CAGE1: variants seen among roughly 807,000 people sequenced by gnomAD.
The protein encoded by CAGE1 is cancer antigen 1.
In CAGE1, 66 loss-of-function variants were observed where a neutral mutation model predicts 94.9. That is an observed-to-expected ratio of 0.70 (90% confidence interval 0.57 to 0.85). The LOEUF (loss-of-function observed/expected upper bound fraction) is 0.85. CAGE1 is among the 40% of genes least tolerant of loss of function. The pLI is 0.00. For synonymous variants in CAGE1, 319 were observed against 321.0 expected (o/e 0.99, Z 0.07); for missense variants, 865 against 950.4 (o/e 0.91, Z 1.18).
intron 5 of CAGE1, among the ~76,000 whole-genome samples, chr6:7,372,501 T>A (rs1760573591): frequency 1.4e-5 from 2 of 147,788 alleles, no homozygotes; most frequent in African/African-American, 5.0e-5. Flanking sequence ...TGCTGGAAGA[T>A]GCTTTTGATG....
In CAGE1 at chr6:7,389,722, G is replaced by T; in HGVS notation, c.-544C>A. ...CACAGAACATCCACAGCCCTATACA[G>T]CGCGCCATCCAGAGAGCTCCGGACT... On this transcript the variant is annotated 5_prime_UTR_variant, in exon 1 of 14. In the 5' UTR this introduces an upstream ATG that the reference lacks. Coordinates refer to ENST00000502583, the MANE Select transcript of CAGE1 (RefSeq NM_001170692.2). The T allele has an allele frequency of 1.8e-6, 1 of 549,696 alleles. No individual in the cohort carries two copies. The highest frequency in any genetic ancestry group is 3.3e-6 in the Non-Finnish European group (1 of 305,862). 34.1% of individuals were successfully genotyped at this position (549,696 alleles called of 1,614,324 possible).
At chr6:7,350,966 C>G (rs1446282444) in intron 11 of CAGE1, among the ~76,000 whole-genome samples, 1 of 151,960 alleles carries the variant, frequency 6.6e-6, no homozygotes, top group Non-Finnish European at 1.5e-5. Context: ...ATAAATGAAA[C>G]AAAAAGCTGG....
chr6:7,368,346 T>G (rs926244665), intron 7 of CAGE1, among the ~76,000 whole-genome samples: 2 of 151,516 alleles, frequency 1.3e-5, no homozygotes, highest in South Asian at 4.2e-4. Context: ...AGAAATAAAA[T>G]TATTTTCAAT....
intron 3 of CAGE1, among the ~76,000 whole-genome samples, chr6:7,384,721 T>C (rs893317891): frequency 4.7e-5 from 7 of 148,474 alleles, no homozygotes; most frequent in Non-Finnish European, 7.5e-5. Flanking sequence ...ACAGCTCTCT[T>C]TTTTTTTTTT....
intron 3 of CAGE1, among the ~76,000 whole-genome samples, chr6:7,385,144 T>C (rs1301943949): frequency 1.3e-5 from 2 of 152,142 alleles, no homozygotes; most frequent in Non-Finnish European, 2.9e-5. Context: ...TAGCTGGGAT[T>C]ACAGGCATGC....
rs369624538 is a variant in CAGE1, at chr6:7,355,451, G to C, written c.2299-340C>G. ...TTAATAAGGTAAACTGGAACACTAAGTTGGCAAGATTTAGAATTATCCTGA... is the reference window on the plus strand; with the variant it reads ...TTAATAAGGTAAACTGGAACACTAACTTGGCAAGATTTAGAATTATCCTGA... On this transcript the variant is annotated intron_variant, in intron 10 of 13. Transcript: ENST00000502583. 3.3e-4 allele frequency among the ~76,000 whole-genome samples: 50 copies of C among 152,288 alleles called. 1 individual carries two copies. The South Asian group carries it at 9.5e-3, about 29-fold the overall frequency.
In CAGE1 at chr6:7,363,858, A is replaced by C. The variant is rs2113429430; in HGVS notation, c.2193+1610T>G. On this transcript the variant is annotated intron_variant, in intron 9 of 13. Coordinates refer to ENST00000502583, the MANE Select transcript of CAGE1 (RefSeq NM_001170692.2). ...AGCAGCCATTATGATAACTGCTTAC[A>C]TTCCTTAATTTATTCAGGAGTGCAA... Among the ~76,000 whole-genome samples, 5 of 152,372 alleles carry C rather than the reference A, an allele frequency of 3.3e-5. No homozygotes were observed. The Middle Eastern group carries it at 0.017, about 518-fold the overall frequency.
In CAGE1 at chr6:7,356,084, T is replaced by A; in HGVS notation, c.2239A>T (p.Asn747Tyr). 1 of 1,551,008 alleles carries A rather than the reference T, an allele frequency of 6.4e-7. No individual in the cohort carries two copies. The highest frequency in any genetic ancestry group is 8.7e-7 in the Non-Finnish European group (1 of 1,146,120). ...HLLESKENHCNRLIEENDKYQ... is the reference protein window; with the variant it reads ...HLLESKENHCYRLIEENDKYQ... ...TTGTCATTTTCTTCAATGAGTCTGT[T>A]GCAGTGGTTTTCTTTTGACTCTAGG... is the stretch of plus-strand genomic sequence containing the variant. The change falls in exon 10 of 14, where the codon AAC becomes TAC. Residue 747 changes from asparagine (N) to tyrosine (Y), a missense_variant. By Grantham distance (143) the Asn-to-Tyr change is moderately radical. Coordinates refer to ENST00000502583, the MANE Select transcript of CAGE1 (RefSeq NM_001170692.2).
Position 7,338,981 on chromosome 6 carries a change from A to G in CAGE1, c.2370-4891T>C, listed in dbSNP as rs1759068816. Reference sequence around the variant, plus strand: ...GCAGGGGCTTCTTAGGGCCAATCTTACCAGTTGGGTCCCAGGGCAGCATGA... The same window carrying G: ...GCAGGGGCTTCTTAGGGCCAATCTTGCCAGTTGGGTCCCAGGGCAGCATGA... On this transcript the variant is annotated intron_variant, in intron 11 of 13. Coordinates refer to ENST00000502583, the MANE Select transcript of CAGE1 (RefSeq NM_001170692.2). 3.1e-6 allele frequency: 5 copies of G among 1,608,896 alleles called. No homozygotes were observed. The Admixed American group carries it at 8.4e-5, about 27-fold the overall frequency.
chr6:7,365,320 A>G (rs1760289718), intron 9 of CAGE1, 148 bp downstream of exon 9: 1 of 619,662 alleles, frequency 1.6e-6, no homozygotes, highest in South Asian at 2.2e-5. Context: ...TCGATTCTAT[A>G]TTATTGTGGG....
At chr6:7,344,266 G>C (rs1759316255) in intron 11 of CAGE1, among the ~76,000 whole-genome samples, 1 of 152,224 alleles carries the variant, frequency 6.6e-6, no homozygotes, top group African/African-American at 2.4e-5. Context: ...TTGCGGGCCA[G>C]CTGGAGTTCC....
intron 13 of CAGE1, chr6:7,329,010 C>T: frequency 5.5e-6 from 1 of 182,102 alleles, no homozygotes; most frequent in African/African-American, 2.4e-5. Flanking sequence ...TGGCTCACTG[C>T]AACTTCCGCC....
At chr6:7,340,947 A>G (rs552062381) in intron 11 of CAGE1, 20 of 430,476 alleles carry the variant, frequency 4.6e-5, no homozygotes. Context: ...CTCCTTATAC[A>G]TACAGGCTTT....
At chr6:7,351,573 GA>G (rs56766681) in intron 11 of CAGE1, among the ~76,000 whole-genome samples, 19,888 of 134,488 alleles carry the variant, frequency 0.15, 2,823 homozygotes, top group African/African-American at 0.38. Context: ...TTTTGGAATA[GA>G]AAAAAAAAAA....
intron 9 of CAGE1, among the ~76,000 whole-genome samples, chr6:7,361,624 G>T (rs1349983980): frequency 6.6e-6 from 1 of 152,172 alleles, no homozygotes; most frequent in Non-Finnish European, 1.5e-5. Flanking sequence ...CTAAGAGCTG[G>T]TCAGGAAACA....
intron 11 of CAGE1, among the ~76,000 whole-genome samples, chr6:7,349,937 A>G (rs918797086): frequency 4.6e-5 from 6 of 130,088 alleles, no homozygotes; most frequent in Non-Finnish European, 1.0e-4. Flanking sequence ...TGTCTCAAAA[A>G]AAAAAAAAAA....
chr6:7,339,170 G>C lies in CAGE1; in HGVS notation c.2370-5080C>G. On this transcript the variant is annotated intron_variant, in intron 11 of 13. Transcript: ENST00000502583. This position sits in a 1 kb window ranked among gnomAD's most constrained non-coding sequence, Gnocchi z 4.7. ...GTTTCCCAGACACCACGACCTCACA[G>C]CCTTTGGCCCCAGTTTCCATGATGA... 6.6e-7 allele frequency: 1 copy of C among 1,513,874 alleles called. No homozygotes were observed. The allele number at this position is 1,513,874 out of a possible 1,614,324, so 93.8% of individuals were successfully genotyped here.
At chr6:7,341,962 T>C (rs1759193784) in intron 11 of CAGE1, 1 of 735,236 alleles carries the variant, frequency 1.4e-6, no homozygotes, top group Non-Finnish European at 2.6e-6. Context: ...AGTCATCAGA[T>C]CTATGCAGAG....
intron 10 of CAGE1, among the ~76,000 whole-genome samples, chr6:7,355,467 A>G (rs1247312306): frequency 6.6e-6 from 1 of 152,234 alleles, no homozygotes; most frequent in Non-Finnish European, 1.5e-5. Context: ...AAGATTTAGA[A>G]TTATCCTGAA....
Sources: allele counts gnomAD v4.1 joint callset (sites outside exome capture counted in the v4.1 genomes callset), GRCh38; gene constraint gnomAD v4.1.1; non-coding constraint Gnocchi (gnomAD v3.1); transcripts MANE v1.5; gene names NCBI Gene and HGNC (gene_info 2026-07-23, HGNC 2026-07-21).